The following DCAF5 variants were observed in gnomAD, a reference collection of about 807,000 sequenced individuals.
DCAF5 encodes DDB1- and CUL4-associated factor 5.
A neutral mutation model predicts 80.7 loss-of-function variants in DCAF5; 9 were observed. The ratio of observed to expected loss-of-function variants is 0.11; its 90% CI spans 0.07 to 0.19. The LOEUF (loss-of-function observed/expected upper bound fraction) is 0.19. DCAF5 is among the 10% of genes least tolerant of loss of function. The pLI is 1.00. For missense variants in DCAF5, 842 were observed against 1,205.7 expected, an observed-to-expected ratio of 0.70 and a Z score of 4.47; for synonymous variants, 433 against 461.9, an observed-to-expected ratio of 0.94 and a Z score of 0.80.
chr14:69,112,764 G>A (rs779359844), intron 5 of DCAF5, among the ~76,000 whole-genome samples: 11 of 152,202 alleles, frequency 7.2e-5, no homozygotes, highest in Admixed American at 2.0e-4. Context: ...CCGATGGCAC[G>A]TAATGCTTAA....
chr14:69,119,372 A>G, intron 2 of DCAF5, 142 bp from the exon 3 acceptor site: 1 of 750,974 alleles, frequency 1.3e-6, no homozygotes, highest in Non-Finnish European at 2.1e-6. Flanking sequence ...ACTGGAAAAA[A>G]GATTTATAGA....
chr14:69,085,879 C>T (rs1353269109), intron 6 of DCAF5, among the ~76,000 whole-genome samples: 2 of 152,182 alleles, frequency 1.3e-5, no homozygotes, highest in Admixed American at 6.5e-5. Context: ...CATATCATTG[C>T]TTGATCTCTA....
chr14:69,080,169 G>GAGAT (rs2039048069), intron 6 of DCAF5, among the ~76,000 whole-genome samples: 1 of 152,002 alleles, frequency 6.6e-6, no homozygotes, highest in Non-Finnish European at 1.5e-5. Context: ...GCTGAGTACA[G>GAGAT]AGATACATTT....
At chr14:69,122,095 G>A in intron 2 of DCAF5, 122 bp downstream of exon 2, 1 of 1,186,590 alleles carries the variant, frequency 8.4e-7, no homozygotes, top group Non-Finnish European at 1.2e-6. Flanking sequence ...GACAAGCTAT[G>A]AGAAACCAGT....
rs758127961 is a variant in DCAF5, at chr14:69,091,701, G to A, written c.852C>T (p.Ser284=). The change falls in exon 6 of 9, where the codon AGC becomes AGT. Residue 284 remains serine (S), a synonymous_variant. Coordinates refer to ENST00000341516, the MANE Select transcript of DCAF5 (RefSeq NM_003861.3). The stretch of plus-strand genomic sequence containing the variant: ...GGTCACGATCTCCTGCAAAACAGCA[G>A]CTTTTCATGGTGCATGAGTTGAAGT... The part of the protein sequence containing the change: ...QGYFNSCTMK[S]CCFAGDRDQY... 2 of 1,614,174 alleles carry A rather than the reference G, an allele frequency of 1.2e-6. No homozygotes were observed. Among genetic ancestry groups the A allele is most frequent in the Non-Finnish European group, 1.7e-6 (2 of 1,180,006 alleles).
At chr14:69,075,319 T>A in intron 7 of DCAF5, 26 bp downstream of exon 7, 4 of 1,596,760 alleles carry the variant, frequency 2.5e-6, no homozygotes, top group Non-Finnish European at 3.4e-6. Flanking sequence ...GCAATAGCAG[T>A]ACATTCATGT....
chr14:69,117,999 T>C, intron 4 of DCAF5, 140 bp downstream of exon 4: 4 of 1,220,282 alleles, frequency 3.3e-6, no homozygotes, highest in East Asian at 2.4e-5. Context: ...AGACCTCTTA[T>C]GCCCCCATGT....
chr14:69,114,115 C>A (rs2040463902), intron 5 of DCAF5, among the ~76,000 whole-genome samples: 1 of 152,200 alleles, frequency 6.6e-6, no homozygotes, highest in Admixed American at 6.5e-5. Context: ...CACATGCAAT[C>A]TTATACACAG....
At chr14:69,105,173 A>C (rs573119392) in intron 5 of DCAF5, among the ~76,000 whole-genome samples, 2 of 152,210 alleles carry the variant, frequency 1.3e-5, no homozygotes, top group Non-Finnish European at 2.9e-5. Context: ...AGGTTCTCAA[A>C]AAAAATTTGT....
intron 8 of DCAF5, among the ~76,000 whole-genome samples, chr14:69,061,516 G>A (rs987642614): frequency 5.9e-5 from 9 of 152,162 alleles, no homozygotes; most frequent in Non-Finnish European, 1.2e-4. Flanking sequence ...ACATTTCCTG[G>A]TAGAGGTGAG....
At chr14:69,148,060 T>A (rs2041592163) in intron 1 of DCAF5, among the ~76,000 whole-genome samples, 1 of 147,268 alleles carries the variant, frequency 6.8e-6, no homozygotes, top group South Asian at 2.1e-4. Flanking sequence ...ACATTCTGAT[T>A]GGTCATCCAA....
rs1307570873 is a variant in DCAF5, at chr14:69,152,018, CG to C, written c.214+746del. On this transcript the variant is annotated intron_variant, in intron 1 of 8. Transcript: ENST00000341516. The surrounding 1 kb of genome is among the most constrained non-coding windows in gnomAD (Gnocchi z 4.1). Reference sequence around the variant, plus strand: ...GCCGGGCTCCCGCCAACAAGTCTCCCGGGGGTCCCCCACCCTACCGCCTGCC... The same window carrying C: ...GCCGGGCTCCCGCCAACAAGTCTCCCGGGGTCCCCCACCCTACCGCCTGCC... Among the ~76,000 whole-genome samples, 3 of 152,206 alleles carry C rather than the reference CG, an allele frequency of 2.0e-5. No homozygotes were observed. The highest frequency in any genetic ancestry group is 6.5e-5 in the Admixed American group (1 of 15,292).
intron 1 of DCAF5, among the ~76,000 whole-genome samples, chr14:69,134,627 T>C (rs1223420414): frequency 6.6e-6 from 1 of 152,242 alleles, no homozygotes; most frequent in Non-Finnish European, 1.5e-5. Flanking sequence ...AGTTACAACC[T>C]AATGAGTTGC....
intron 1 of DCAF5, among the ~76,000 whole-genome samples, chr14:69,151,148 A>G (rs2041690138): frequency 1.3e-5 from 2 of 152,098 alleles, no homozygotes; most frequent in Non-Finnish European, 2.9e-5. Context: ...TGCTCTTCAA[A>G]TTTATTTGAT....
chr14:69,138,217 AGAT>A (rs1356726402), intron 1 of DCAF5, among the ~76,000 whole-genome samples: 6 of 152,246 alleles, frequency 3.9e-5, no homozygotes, highest in African/African-American at 1.2e-4. Context: ...ACTGGAATTT[AGAT>A]ACAAGACTTG....
intron 1 of DCAF5, among the ~76,000 whole-genome samples, chr14:69,133,779 A>G (rs2041112260): frequency 6.6e-6 from 1 of 152,148 alleles, no homozygotes; most frequent in Non-Finnish European, 1.5e-5. Flanking sequence ...CCCATTTTAA[A>G]CATGTTAAAA....
chr14:69,136,230 C>T (rs2041192794), intron 1 of DCAF5, among the ~76,000 whole-genome samples: 1 of 151,196 alleles, frequency 6.6e-6, no homozygotes, highest in Non-Finnish European at 1.5e-5. Flanking sequence ...ATCCTCCTAC[C>T]TCAGCCTCCA....
At chr14:69,121,066 G>A (rs1038042562) in intron 2 of DCAF5, among the ~76,000 whole-genome samples, 10 of 152,134 alleles carry the variant, frequency 6.6e-5, no homozygotes, top group African/African-American at 2.4e-4. Flanking sequence ...AAGGCACAAG[G>A]GCAAAATAGT....
intron 6 of DCAF5, chr14:69,085,143 A>G (rs2039267822): frequency 1.3e-6 from 1 of 760,438 alleles, no homozygotes; most frequent in South Asian, 1.4e-5. Flanking sequence ...ATACATACAA[A>G]CCTACGATTC....
Sources: gnomAD v4.1 joint callset for allele counts (sites outside exome capture counted in the v4.1 genomes callset) on GRCh38, gnomAD v4.1.1 for gene constraint, Gnocchi (gnomAD v3.1) non-coding constraint, MANE v1.5 for transcripts, NCBI Gene and HGNC (gene_info 2026-07-23, HGNC 2026-07-21) for gene names.